NTM: variants seen among roughly 807,000 people sequenced by gnomAD.
The protein encoded by NTM is neurotrimin, also known as IgLON family member 2.
A neutral mutation model predicts 42.1 loss-of-function variants in NTM; 13 were observed. The observed-to-expected ratio is 0.31, with a 90% confidence interval of 0.20 to 0.49. NTM has a LOEUF of 0.49. NTM is among the 20% of genes least tolerant of loss of function. The pLI, the probability that NTM is intolerant of heterozygous loss-of-function variation, is 0.99. For missense variants in NTM, 373 were observed against 452.8 expected, an observed-to-expected ratio of 0.82 and a Z score of 1.60; for synonymous variants, 187 against 179.2, an observed-to-expected ratio of 1.04 and a Z score of -0.35.
chr11:131,988,822 T>G (rs1028091673), intron 2 of NTM, among the ~76,000 whole-genome samples: 1 of 152,186 alleles, frequency 6.6e-6, no homozygotes, highest in Non-Finnish European at 1.5e-5. Flanking sequence ...AACAAGAGCC[T>G]CCATTAAATA....
At chr11:131,986,039 G>A (rs2066019746) in intron 2 of NTM, among the ~76,000 whole-genome samples, 1 of 152,166 alleles carries the variant, frequency 6.6e-6, no homozygotes, top group Non-Finnish European at 1.5e-5. Flanking sequence ...CTGAATTGGA[G>A]AGCTTTGAAA....
chr11:131,863,838 G>A (rs1235333185), intron 1 of NTM, among the ~76,000 whole-genome samples: 1 of 152,198 alleles, frequency 6.6e-6, no homozygotes, highest in Non-Finnish European at 1.5e-5. Context: ...GCCAGCGCTT[G>A]TAGGCCTGGC....
chr11:132,280,446 G>C (rs2093925214), intron 4 of NTM, among the ~76,000 whole-genome samples: 1 of 148,154 alleles, frequency 6.7e-6, no homozygotes, highest in African/African-American at 2.5e-5. Context: ...ACATCTCCTG[G>C]CCTCACCACA....
At chr11:132,232,245 G>A (rs572266838) in intron 4 of NTM, among the ~76,000 whole-genome samples, 32 of 152,236 alleles carry the variant, frequency 2.1e-4, no homozygotes, top group Non-Finnish European at 3.2e-4. Flanking sequence ...CGCTCAGAGG[G>A]GCGAGTGTAA....
chr11:132,112,183 C>T (rs938767930), intron 2 of NTM, among the ~76,000 whole-genome samples: 1 of 149,392 alleles, frequency 6.7e-6, no homozygotes, highest in African/African-American at 2.5e-5. Flanking sequence ...CAGGCTAAGA[C>T]AGTGTTATGC....
At chr11:132,251,437 G>A (rs1382117569) in intron 4 of NTM, among the ~76,000 whole-genome samples, 1 of 152,188 alleles carries the variant, frequency 6.6e-6, no homozygotes, top group African/African-American at 2.4e-5. Context: ...TCCTTTGGTA[G>A]TTTTCAAAGG....
At chr11:131,795,452 T>C (rs1290186702) in intron 1 of NTM, 18 of 985,312 alleles carry the variant, frequency 1.8e-5, no homozygotes, top group Non-Finnish European at 2.0e-5. Context: ...AAATGCTTGA[T>C]ATGCAGCTTG....
At chr11:131,662,368 C>T (rs540942645) in intron 1 of NTM, 5 of 152,222 alleles carry the variant, frequency 3.3e-5, no homozygotes, top group African/African-American at 7.2e-5. Flanking sequence ...ACTCATGTCA[C>T]ATTTTCACGG....
chr11:131,447,828 A>G (rs1950177571), intron 1 of NTM, among the ~76,000 whole-genome samples: 1 of 152,212 alleles, frequency 6.6e-6, no homozygotes, highest in Non-Finnish European at 1.5e-5. Flanking sequence ...CCTCCAGCAC[A>G]GAGGCCTGAA....
chr11:131,583,394 A>T (rs1400620995), intron 1 of NTM, among the ~76,000 whole-genome samples: 3 of 152,212 alleles, frequency 2.0e-5, no homozygotes, highest in Admixed American at 2.0e-4. Context: ...TGTCTAAGAT[A>T]TCTTCTTCAT....
chr11:131,380,915 C>T (rs192046436), intron 1 of NTM, among the ~76,000 whole-genome samples: 28 of 152,354 alleles, frequency 1.8e-4, no homozygotes, highest in African/African-American at 6.3e-4. Context: ...TTAGATTCAA[C>T]TCATCTCTTC....
chr11:132,014,424 G>A (rs1171773131), intron 2 of NTM, among the ~76,000 whole-genome samples: 2 of 152,014 alleles, frequency 1.3e-5, no homozygotes, highest in African/African-American at 2.4e-5. Flanking sequence ...TGGGATTGCT[G>A]GATCATATGA....
intron 4 of NTM, among the ~76,000 whole-genome samples, chr11:132,224,863 G>A (rs955641738): frequency 2.0e-5 from 3 of 152,216 alleles, no homozygotes; most frequent in African/African-American, 7.2e-5. Context: ...AAGACGACCA[G>A]GTTTCTGGTT....
chr11:131,444,902 C>T (rs976490881), intron 1 of NTM, among the ~76,000 whole-genome samples: 2 of 152,092 alleles, frequency 1.3e-5, no homozygotes, highest in African/African-American at 4.8e-5. Flanking sequence ...TTACATTAGA[C>T]CTTGATTTTC....
intron 4 of NTM, among the ~76,000 whole-genome samples, chr11:132,278,459 T>C (rs1388143398): frequency 1.3e-5 from 2 of 152,148 alleles, no homozygotes; most frequent in Non-Finnish European, 2.9e-5. Flanking sequence ...CCTCTCCAAG[T>C]AGTCTTTGTG....
At chr11:131,934,067 T>C (rs1321974865) in intron 2 of NTM, among the ~76,000 whole-genome samples, 1 of 152,216 alleles carries the variant, frequency 6.6e-6, no homozygotes, top group East Asian at 1.9e-4. Flanking sequence ...CCCAAGGTCC[T>C]GTGTTCTAAA....
intron 1 of NTM, among the ~76,000 whole-genome samples, chr11:131,864,172 C>A (rs1281362284): frequency 6.6e-6 from 1 of 152,130 alleles, no homozygotes; most frequent in Non-Finnish European, 1.5e-5. Flanking sequence ...TGTTATATAT[C>A]CTCTTGAAAT....
chr11:131,830,870 G>T (rs2042732640), intron 1 of NTM, among the ~76,000 whole-genome samples: 1 of 152,056 alleles, frequency 6.6e-6, no homozygotes. Flanking sequence ...AGTTCTCCTT[G>T]TAGATATCTT....
chr11:131,873,821 C>T (rs2048154711), intron 1 of NTM, among the ~76,000 whole-genome samples: 1 of 142,328 alleles, frequency 7.0e-6, no homozygotes, highest in South Asian at 2.2e-4. Context: ...CCCCATCCCC[C>T]AACAGGCCCC....
Sources: gnomAD v4.1 joint callset for allele counts (sites outside exome capture counted in the v4.1 genomes callset) on GRCh38, gnomAD v4.1.1 for gene constraint, MANE v1.5 for transcripts, NCBI Gene and HGNC (gene_info 2026-07-23, HGNC 2026-07-21) for gene names.